The following DDI2 variants were observed in gnomAD, a reference collection of about 807,000 sequenced individuals.
DDI2 encodes the protein protein DDI1 homolog 2.
Under a neutral mutation model 48.1 loss-of-function variants are expected in DDI2, and 5 were observed. The observed-to-expected ratio is 0.10, with a 90% CI of 0.05 to 0.22. The LOEUF is 0.22. DDI2 is among the 10% of genes least tolerant of loss of function. The pLI, the probability that DDI2 is intolerant of heterozygous loss-of-function variation, is 1.00. For synonymous variants in DDI2, 205 were observed against 183.6 expected, an observed-to-expected ratio of 1.12 and a Z score of -0.94; for missense variants, 285 against 506.2, an observed-to-expected ratio of 0.56 and a Z score of 4.19.
intron 3 of DDI2, among the ~76,000 whole-genome samples, chr1:15,632,070 C>T (rs1299945955): frequency 7.9e-5 from 12 of 151,960 alleles, no homozygotes; most frequent in Admixed American, 7.9e-4. Context: ...TCCCAAAGTA[C>T]TGAGATTACA....
intron 1 of DDI2, among the ~76,000 whole-genome samples, chr1:15,618,499 C>T (rs1248248520): frequency 6.6e-6 from 1 of 152,098 alleles, no homozygotes; most frequent in Non-Finnish European, 1.5e-5. Context: ...AGCCAGAAGG[C>T]CCTTTTTCTT....
In DDI2 at chr1:15,666,271, G is replaced by A. The variant is rs1640451220; in HGVS notation, c.*6481G>A. The stretch of plus-strand genomic sequence containing the variant: ...GTGCTTGATTTTCTTTTGTGCCTTA[G>A]TTTCTCTGAATAGCAGAGGCATCAA... On this transcript the variant is annotated 3_prime_UTR_variant, in exon 10 of 10. Transcript: ENST00000480945. 1 of 152,098 alleles carries A rather than the reference G, an allele frequency of 6.6e-6. No homozygotes were observed. The highest frequency in any genetic ancestry group is 1.5e-5 in the Non-Finnish European group (1 of 68,016). The allele number at this position is 152,098 out of a possible 1,614,324, so 9.4% of individuals were successfully genotyped here. A position where few individuals can be genotyped will look rare whatever the true frequency, so the allele number is the denominator to read the frequency against.
At chr1:15,642,460 A>C (rs571271378) in intron 5 of DDI2, among the ~76,000 whole-genome samples, 1 of 152,310 alleles carries the variant, frequency 6.6e-6, no homozygotes, top group African/African-American at 2.4e-5. Context: ...CTTTTTGAGC[A>C]GATAAAGTAG....
intron 8 of DDI2, 103 bp downstream of exon 8, chr1:15,651,998 T>C: frequency 1.7e-6 from 2 of 1,170,448 alleles, no homozygotes; most frequent in East Asian, 5.7e-5. Flanking sequence ...TTAATTAGTC[T>C]CATGGTCCAG....
chr1:15,636,058 A>G (rs1570975125), intron 4 of DDI2, among the ~76,000 whole-genome samples: 1 of 152,324 alleles, frequency 6.6e-6, no homozygotes, highest in African/African-American at 2.4e-5. Context: ...AAAATGACTG[A>G]TAAAGCTATC....
chr1:15,631,592 A>G (rs1265323826), intron 3 of DDI2, among the ~76,000 whole-genome samples: 1 of 152,196 alleles, frequency 6.6e-6, no homozygotes, highest in Non-Finnish European at 1.5e-5. Flanking sequence ...CTCAGATTTT[A>G]AATATACAAT....
At chr1:15,633,076 G>A (rs1307936920) in intron 3 of DDI2, among the ~76,000 whole-genome samples, 2 of 151,488 alleles carry the variant, frequency 1.3e-5, no homozygotes, top group East Asian at 3.9e-4. Flanking sequence ...CTACAGGCAT[G>A]CACCACCACG....
chr1:15,660,798 A>T lies in DDI2; in HGVS notation c.*1008A>T, dbSNP rs774292898. 9.3e-6 allele frequency: 15 copies of T among 1,614,156 alleles called. No individual in the cohort carries two copies. The Admixed American group carries it at 2.5e-4, about 27-fold the overall frequency. ...ATGATTCCATTTCCACTCAGGATTT[A>T]CAGCCCCCAGAAACTAATGTTGAAA... On this transcript the variant is annotated 3_prime_UTR_variant, in exon 10 of 10. Transcript: ENST00000480945.
intron 9 of DDI2, among the ~76,000 whole-genome samples, chr1:15,657,391 T>C (rs967885293): frequency 6.6e-6 from 1 of 152,186 alleles, no homozygotes; most frequent in Non-Finnish European, 1.5e-5. Flanking sequence ...TAGCATTTAG[T>C]TTCTCTTCTT....
rs145168835 is a variant in DDI2, at chr1:15,648,696, G to A, written c.890-1024G>A. 3.2e-4 allele frequency among the ~76,000 whole-genome samples: 48 copies of A among 152,094 alleles called. No individual in the cohort carries two copies. In the East Asian group the frequency reaches 8.9e-3, roughly 28 times the overall value. ...TTGCTGGGACAAGAGGTATCCATGG[G>A]GAGAAATGAATTAGAAATCGGACCC... is the stretch of plus-strand genomic sequence containing the variant. On this transcript the variant is annotated intron_variant, in intron 6 of 9. Transcript: ENST00000480945.
At chr1:15,651,677 CTAT>C in intron 7 of DDI2, 26 bp from the exon 8 acceptor site, 2 of 1,577,832 alleles carry the variant, frequency 1.3e-6, no homozygotes, top group Non-Finnish European at 8.6e-7. Flanking sequence ...GTTTTATCTG[CTAT>C]TATTCTTTGG....
intron 6 of DDI2, among the ~76,000 whole-genome samples, chr1:15,646,592 C>T (rs924236330): frequency 5.9e-5 from 9 of 151,956 alleles, no homozygotes; most frequent in Admixed American, 5.9e-4. Flanking sequence ...GAGGCTGAGG[C>T]AGGAGAATCG....
intron 1 of DDI2, among the ~76,000 whole-genome samples, chr1:15,618,475 C>T (rs1304969789): frequency 6.6e-6 from 1 of 152,132 alleles, no homozygotes; most frequent in South Asian, 2.1e-4. Context: ...TGTTTCGGTT[C>T]TACCCTGGTA....
intron 3 of DDI2, among the ~76,000 whole-genome samples, chr1:15,632,935 A>ATTT (rs1557614987): frequency 2.5e-4 from 20 of 79,104 alleles, no homozygotes; most frequent in African/African-American, 9.4e-4. Context: ...TTTTTTTAAA[A>ATTT]AAAAAAAAAC....
intron 1 of DDI2, among the ~76,000 whole-genome samples, chr1:15,618,698 G>T (rs2103457880): frequency 6.6e-6 from 1 of 152,316 alleles, no homozygotes; most frequent in South Asian, 2.1e-4. Context: ...GCTGCCCCTA[G>T]TCTTTATCAA....
In DDI2 at chr1:15,630,485, G is replaced by A; in HGVS notation, c.429G>A (p.Leu143=). The A allele has an allele frequency of 6.2e-7, 1 of 1,614,200 alleles. No individual in the cohort carries two copies. The highest frequency in any genetic ancestry group is 1.1e-5 in the South Asian group (1 of 91,086). ...CAGCCTTGCTCCGAGATATGTTGCT[G>A]GCCAACCCGCATGAGCTGTCCTTGC... ...DNPALLRDML[L]ANPHELSLLK... is the part of the protein sequence containing the mutation. Residue 143 remains leucine (L), a synonymous_variant, in exon 3 of 10, where the codon CTG becomes CTA. Coordinates refer to ENST00000480945, the MANE Select transcript of DDI2 (RefSeq NM_032341.5).
At chr1:15,630,989 G>A (rs1244050914) in intron 3 of DDI2, among the ~76,000 whole-genome samples, 1 of 152,098 alleles carries the variant, frequency 6.6e-6, no homozygotes, top group Non-Finnish European at 1.5e-5. Context: ...GACTACAGGC[G>A]CATGCTGCCA....
At chr1:15,653,232 T>G (rs1388918413) in intron 8 of DDI2, among the ~76,000 whole-genome samples, 1 of 151,998 alleles carries the variant, frequency 6.6e-6, no homozygotes, top group Admixed American at 6.6e-5. Flanking sequence ...ATTTCCCTAT[T>G]TCTTTCCTTT....
In DDI2 at chr1:15,666,250, T is replaced by C. The variant is rs1487325306; in HGVS notation, c.*6460T>C. 1.3e-5 allele frequency: 2 copies of C among 152,190 alleles called. No individual in the cohort carries two copies. Among genetic ancestry groups the C allele is most frequent in the African/African-American group, 4.8e-5 (2 of 41,440 alleles). 9.4% of individuals were successfully genotyped at this position (152,190 alleles called of 1,614,324 possible). A position where few individuals can be genotyped will look rare whatever the true frequency, so the allele number is the denominator to read the frequency against. On this transcript the variant is annotated 3_prime_UTR_variant, in exon 10 of 10. Coordinates refer to ENST00000480945, the MANE Select transcript of DDI2 (RefSeq NM_032341.5). The stretch of plus-strand genomic sequence containing the variant: ...ACTTAGGAGTGAACCTTCGATGTGC[T>C]TGATTTTCTTTTGTGCCTTAGTTTC...
Sources: gnomAD v4.1 joint callset for allele counts (sites outside exome capture counted in the v4.1 genomes callset) on GRCh38, gnomAD v4.1.1 for gene constraint, MANE v1.5 for transcripts, NCBI Gene and HGNC (gene_info 2026-07-23, HGNC 2026-07-21) for gene names.